The following DLG2 variants were observed in gnomAD, a reference collection of about 807,000 sequenced individuals.
DLG2 encodes discs large MAGUK scaffold protein 2.
A neutral mutation model predicts 132.5 loss-of-function variants in DLG2; 45 were observed. The ratio of observed to expected loss-of-function variants is 0.34; its 90% CI spans 0.27 to 0.44. The LOEUF (loss-of-function observed/expected upper bound fraction) is 0.44. DLG2 is among the 20% of genes least tolerant of loss of function. The probability of loss-of-function intolerance (pLI) is 1.00; values close to 1 mark genes in which losing one functional copy is unlikely to be tolerated. For missense variants in DLG2, 1,045 were observed against 1,196.9 expected (o/e 0.87, Z 1.87); for synonymous variants, 424 against 419.6 (o/e 1.01, Z -0.13).
At chr11:85,201,852 A>G (rs1199655180) in intron 4 of DLG2, among the ~76,000 whole-genome samples, 1 of 152,194 alleles carries the variant, frequency 6.6e-6, no homozygotes, top group African/African-American at 2.4e-5. Context: ...CAAAGAATAC[A>G]GAGGATGAAT....
At chr11:85,324,819 G>A (rs528007832) in intron 3 of DLG2, among the ~76,000 whole-genome samples, 25 of 152,016 alleles carry the variant, frequency 1.6e-4, no homozygotes, top group Admixed American at 7.2e-4. Flanking sequence ...CAGCGTGAGC[G>A]ACGCAGAAGA....
intron 3 of DLG2, among the ~76,000 whole-genome samples, chr11:85,542,403 G>A (rs1382425352): frequency 6.6e-6 from 1 of 152,038 alleles, no homozygotes; most frequent in Non-Finnish European, 1.5e-5. Context: ...GATTAATCTG[G>A]GAATTATGGA....
At chr11:84,754,253 T>C (rs964477820) in intron 6 of DLG2, among the ~76,000 whole-genome samples, 2 of 152,212 alleles carry the variant, frequency 1.3e-5, no homozygotes, top group Admixed American at 6.5e-5. Context: ...AAGCACTATA[T>C]AAATAATATG....
At chr11:85,541,771 C>T (rs1350062406) in intron 3 of DLG2, among the ~76,000 whole-genome samples, 1 of 152,054 alleles carries the variant, frequency 6.6e-6, no homozygotes, top group Admixed American at 6.6e-5. Flanking sequence ...GAATTCAGTG[C>T]CTTTTTACTC....
intron 6 of DLG2, among the ~76,000 whole-genome samples, chr11:85,083,510 G>T (rs2067510306): frequency 6.6e-6 from 1 of 152,162 alleles, no homozygotes; most frequent in South Asian, 2.1e-4. Context: ...TGTGCCCAAG[G>T]TGGTCAGGCT....
chr11:83,527,163 G>A (rs1477447075), intron 21 of DLG2, among the ~76,000 whole-genome samples: 1 of 152,148 alleles, frequency 6.6e-6, no homozygotes, highest in African/African-American at 2.4e-5. Context: ...GCATCATCTA[G>A]GAAAACCAGC....
intron 12 of DLG2, among the ~76,000 whole-genome samples, chr11:83,968,863 G>A (rs1000401620): frequency 6.6e-6 from 1 of 152,202 alleles, no homozygotes; most frequent in Non-Finnish European, 1.5e-5. Flanking sequence ...ACAATTGTTT[G>A]TGGAATGAAT....
At chr11:83,655,081 A>C (rs2071938754) in intron 18 of DLG2, among the ~76,000 whole-genome samples, 1 of 152,206 alleles carries the variant, frequency 6.6e-6, no homozygotes, top group Admixed American at 6.5e-5. Flanking sequence ...GCTCCCACAC[A>C]TCCATCCAGT....
chr11:85,204,096 A>T (rs1363712919), intron 4 of DLG2, among the ~76,000 whole-genome samples: 1 of 152,156 alleles, frequency 6.6e-6, no homozygotes, highest in African/African-American at 2.4e-5. Flanking sequence ...AATGGGGAAA[A>T]ATTGAAAGCA....
intron 3 of DLG2, among the ~76,000 whole-genome samples, chr11:85,303,816 G>C (rs2079764088): frequency 6.6e-6 from 1 of 152,148 alleles, no homozygotes; most frequent in Non-Finnish European, 1.5e-5. Flanking sequence ...AATTGAACAA[G>C]AGGAAATCCA....
intron 6 of DLG2, among the ~76,000 whole-genome samples, chr11:84,611,264 T>C (rs772921395): frequency 1.3e-5 from 2 of 152,140 alleles, no homozygotes; most frequent in African/African-American, 4.8e-5. Flanking sequence ...TTTTATTGTA[T>C]GAATAAATAA....
At chr11:85,154,420 T>G in intron 5 of DLG2, 136 bp downstream of exon 5, 1 of 514,362 alleles carries the variant, frequency 1.9e-6, no homozygotes, top group East Asian at 3.2e-5. Context: ...GAACCCAATA[T>G]GCTGACCAGG....
chr11:84,866,610 C>T (rs966744598), intron 6 of DLG2, among the ~76,000 whole-genome samples: 5 of 152,156 alleles, frequency 3.3e-5, no homozygotes, highest in Non-Finnish European at 5.9e-5. Flanking sequence ...CACTGAACTA[C>T]ACTGTTCTCA....
At chr11:84,438,934 A>G (rs1461619541) in intron 7 of DLG2, among the ~76,000 whole-genome samples, 1 of 152,216 alleles carries the variant, frequency 6.6e-6, no homozygotes, top group African/African-American at 2.4e-5. Context: ...TAACAAAGTC[A>G]CTTGAGGTCT....
intron 11 of DLG2, among the ~76,000 whole-genome samples, chr11:84,006,834 C>CTCA (rs2094595237): frequency 6.6e-6 from 1 of 151,596 alleles, no homozygotes; most frequent in Non-Finnish European, 1.5e-5. Flanking sequence ...TTTCTCTCTG[C>CTCA]TCATGATTTA....
intron 4 of DLG2, among the ~76,000 whole-genome samples, chr11:85,190,676 A>G (rs1449411764): frequency 6.6e-6 from 1 of 152,206 alleles, no homozygotes; most frequent in Non-Finnish European, 1.5e-5. Flanking sequence ...GACAAAGGTG[A>G]TATTAACATC....
chr11:85,127,136 A>G (rs930155283), intron 5 of DLG2, among the ~76,000 whole-genome samples: 2 of 152,038 alleles, frequency 1.3e-5, no homozygotes, highest in African/African-American at 4.8e-5. Flanking sequence ...GTGCTGATCT[A>G]TCTCTGCATC....
At chr11:85,156,552 C>T (rs939915957) in intron 4 of DLG2, among the ~76,000 whole-genome samples, 5 of 152,152 alleles carry the variant, frequency 3.3e-5, no homozygotes, top group Admixed American at 3.3e-4. Flanking sequence ...CTTTGGGCCA[C>T]TCCTCTTTGG....
At chr11:84,508,614 G>A (rs2099248981) in intron 7 of DLG2, among the ~76,000 whole-genome samples, 1 of 152,050 alleles carries the variant, frequency 6.6e-6, no homozygotes, top group South Asian at 2.1e-4. Flanking sequence ...TGGCCAGGCT[G>A]GTCTCGGACT....
Sources: allele counts gnomAD v4.1 joint callset (sites outside exome capture counted in the v4.1 genomes callset), GRCh38; gene constraint gnomAD v4.1.1; transcripts MANE v1.5; gene names NCBI Gene and HGNC (gene_info 2026-07-23, HGNC 2026-07-21).